The following CSMD1 variants were observed in gnomAD, a reference collection of about 807,000 sequenced individuals.
CSMD1 encodes the protein CUB and Sushi multiple domains 1.
A neutral mutation model predicts 417.5 loss-of-function variants in CSMD1; 213 were observed. The ratio of observed to expected loss-of-function variants is 0.51; its 90% CI spans 0.46 to 0.57. The LOEUF (loss-of-function observed/expected upper bound fraction) is 0.57, where lower values mean the gene tolerates loss of function less well. Among genes scored for constraint, CSMD1 ranks in the 20% least tolerant of loss-of-function variants. CSMD1 has a pLI of 0.00. For synonymous variants in CSMD1, 2,862 were observed against 1,736.8 expected, an observed-to-expected ratio of 1.65 and a Z score of -16.11; for missense variants, 6,923 against 4,529.7, an observed-to-expected ratio of 1.53 and a Z score of -15.17.
intron 49 of CSMD1, among the ~76,000 whole-genome samples, chr8:3,063,032 A>G (rs2128994607): frequency 6.6e-6 from 1 of 152,334 alleles, no homozygotes; most frequent in African/African-American, 2.4e-5. Flanking sequence ...AAAAACTCTG[A>G]TTCGGATGCC....
At chr8:3,669,259 A>G (rs1283531033) in intron 7 of CSMD1, among the ~76,000 whole-genome samples, 6 of 152,302 alleles carry the variant, frequency 3.9e-5, no homozygotes, top group East Asian at 1.9e-4. Flanking sequence ...CTGAGTGAAA[A>G]TGTCTCATCT....
chr8:4,665,365 C>T (rs1247710769), intron 1 of CSMD1, among the ~76,000 whole-genome samples: 1 of 152,078 alleles, frequency 6.6e-6, no homozygotes, highest in Non-Finnish European at 1.5e-5. Context: ...AAAAGTAAAC[C>T]ACCCGTTTTA....
intron 3 of CSMD1, among the ~76,000 whole-genome samples, chr8:4,262,985 C>A (rs550214002): frequency 1.3e-5 from 2 of 152,136 alleles, no homozygotes; most frequent in Admixed American, 6.5e-5. Flanking sequence ...ACATTTTATA[C>A]GCCTTTAGCT....
At position 4,026,639 on chromosome 8, in the gene CSMD1, C is replaced by G. The variant is rs1178861132; in HGVS notation, c.610+5266G>C. Among the ~76,000 whole-genome samples the G allele has an allele frequency of 6.6e-5, 10 of 152,206 alleles. No homozygotes were observed. In the East Asian group the frequency reaches 1.5e-3, roughly 23 times the overall value. On this transcript the variant is annotated intron_variant, in intron 4 of 69. Coordinates refer to ENST00000635120, the MANE Select transcript of CSMD1 (RefSeq NM_033225.6). ...TGGTGGTATCTTATCTCCTGGGAAGCTACAAGCTAACACCATTAAGATATT... is the reference window on the plus strand; with the variant it reads ...TGGTGGTATCTTATCTCCTGGGAAGGTACAAGCTAACACCATTAAGATATT...
intron 5 of CSMD1, among the ~76,000 whole-genome samples, chr8:3,976,897 T>C (rs1813476361): frequency 6.6e-6 from 1 of 152,122 alleles, no homozygotes; most frequent in Admixed American, 6.6e-5. Context: ...TTGAATTTGT[T>C]TGCAAATGAC....
intron 65 of CSMD1, 36 bp from the exon 66 acceptor site, chr8:2,951,311 A>G (rs768767913): frequency 5.8e-6 from 9 of 1,563,438 alleles, no homozygotes; most frequent in Non-Finnish European, 7.8e-6. Flanking sequence ...ATGTCAGCAC[A>G]CACACAAACA....
intron 2 of CSMD1, among the ~76,000 whole-genome samples, chr8:4,602,174 T>C (rs140620021): frequency 6.6e-6 from 1 of 152,274 alleles, no homozygotes; most frequent in Admixed American, 6.5e-5. Context: ...AAAAAATTAA[T>C]TCCCTTATTT....
intron 3 of CSMD1, among the ~76,000 whole-genome samples, chr8:4,033,669 G>A (rs891900811): frequency 6.6e-6 from 1 of 152,130 alleles, no homozygotes; most frequent in South Asian, 2.1e-4. Flanking sequence ...CTGATGACTC[G>A]TATTTGGCTC....
At position 4,892,007 on chromosome 8, in the gene CSMD1, T is replaced by A. The variant is rs572236839; in HGVS notation, c.85+102325A>T. Among the ~76,000 whole-genome samples, 482 of 152,114 alleles carry A rather than the reference T, an allele frequency of 3.2e-3. 2 individuals carry two copies. The highest frequency in any genetic ancestry group is 5.2e-3 in the Non-Finnish European group (351 of 68,014). Reference sequence around the variant, plus strand: ...AGACCAAAATAGCTCTTAAACACTGTAATGAGAGCACCACTAACACCACCA... The same window carrying A: ...AGACCAAAATAGCTCTTAAACACTGAAATGAGAGCACCACTAACACCACCA... On this transcript the variant is annotated intron_variant, in intron 1 of 69. Transcript: ENST00000635120.
chr8:2,961,001 G>C, intron 62 of CSMD1, 140 bp downstream of exon 62: 1 of 243,836 alleles, frequency 4.1e-6, no homozygotes, highest in Non-Finnish European at 7.8e-6. Context: ...AACACATGTA[G>C]AAATCCCCTT....
intron 3 of CSMD1, among the ~76,000 whole-genome samples, chr8:4,306,416 G>C (rs1032396433): frequency 1.3e-5 from 2 of 151,548 alleles, no homozygotes; most frequent in Non-Finnish European, 2.9e-5. Flanking sequence ...AAAAAATACA[G>C]TATCATCGTG....
chr8:4,100,353 G>T (rs62501315), intron 3 of CSMD1, among the ~76,000 whole-genome samples: 1 of 152,080 alleles, frequency 6.6e-6, no homozygotes, highest in Admixed American at 6.6e-5. Context: ...CTAGATTCTG[G>T]CAGCATTCCT....
At chr8:4,233,079 G>T (rs1229067321) in intron 3 of CSMD1, among the ~76,000 whole-genome samples, 1 of 152,162 alleles carries the variant, frequency 6.6e-6, no homozygotes. Context: ...TCATTGTTCT[G>T]TGCACTGGCA....
At chr8:3,284,403 A>G in intron 25 of CSMD1, 57 bp from the exon 26 acceptor site, 1 of 1,350,956 alleles carries the variant, frequency 7.4e-7, no homozygotes. Context: ...TCCTGACCCC[A>G]TAGCTGTAAA....
intron 5 of CSMD1, among the ~76,000 whole-genome samples, chr8:3,922,592 A>G (rs910996658): frequency 7.2e-5 from 11 of 152,160 alleles, no homozygotes; most frequent in Non-Finnish European, 1.6e-4. Flanking sequence ...TAAATAAAAC[A>G]TCTTCTGGTT....
In CSMD1 at chr8:2,973,310, C is replaced by G; in HGVS notation, c.8741-11G>C. On this transcript the variant is annotated splice_polypyrimidine_tract_variant and intron_variant, in intron 56 of 69. Coordinates refer to ENST00000635120, the MANE Select transcript of CSMD1 (RefSeq NM_033225.6). ...ATCCAGGATTATTTCCTATTGAAAA[C>G]AAACACATACGGCAATCCACAATTG... 6.2e-7 allele frequency: 1 copy of G among 1,612,620 alleles called. No homozygotes were observed. The highest frequency in any genetic ancestry group is 1.7e-5 in the Admixed American group (1 of 59,960).
intron 2 of CSMD1, among the ~76,000 whole-genome samples, chr8:4,425,518 C>T (rs145747361): frequency 4.9e-4 from 75 of 152,092 alleles, no homozygotes; most frequent in African/African-American, 1.6e-3. Flanking sequence ...ACACTGGCTG[C>T]GAGTAAGGAA....
At chr8:4,502,909 G>A (rs1035182318) in intron 2 of CSMD1, among the ~76,000 whole-genome samples, 2 of 151,996 alleles carry the variant, frequency 1.3e-5, no homozygotes, top group Non-Finnish European at 2.9e-5. Context: ...ATTCCTTCTG[G>A]TGTCTTTTAA....
intron 50 of CSMD1, among the ~76,000 whole-genome samples, chr8:3,045,860 T>A (rs1202136675): frequency 6.6e-6 from 1 of 152,214 alleles, no homozygotes; most frequent in Non-Finnish European, 1.5e-5. Flanking sequence ...TGAAATTACA[T>A]ACCTCATAAT....
Sources: gnomAD v4.1 joint callset for allele counts (sites outside exome capture counted in the v4.1 genomes callset) on GRCh38, gnomAD v4.1.1 for gene constraint, MANE v1.5 for transcripts, NCBI Gene and HGNC (gene_info 2026-07-23, HGNC 2026-07-21) for gene names.